Variants in DNM3 observed in about 807,000 individuals in gnomAD.
The protein encoded by DNM3 is dynamin 3.
Under a neutral mutation model 101.6 loss-of-function variants are expected in DNM3, and 47 were observed. The ratio of observed to expected loss-of-function variants is 0.46; its 90% CI spans 0.37 to 0.59. The LOEUF (loss-of-function observed/expected upper bound fraction) is 0.59. DNM3 is among the 20% of genes least tolerant of loss of function. The probability of loss-of-function intolerance (pLI) is 0.00; values close to 1 mark genes in which losing one functional copy is unlikely to be tolerated. For missense variants in DNM3, 849 were observed against 1,085.7 expected (o/e 0.78, Z 3.06); for synonymous variants, 385 against 387.9 (o/e 0.99, Z 0.09).
chr1:172,297,356 T>C (rs2064218213), intron 15 of DNM3, among the ~76,000 whole-genome samples: 1 of 152,156 alleles, frequency 6.6e-6, no homozygotes, highest in African/African-American at 2.4e-5. Context: ...CATTATCCTA[T>C]TGTTTCTCAT....
At chr1:172,189,368 C>T (rs140525764) in intron 14 of DNM3, among the ~76,000 whole-genome samples, 191 of 152,042 alleles carry the variant, frequency 1.3e-3, no homozygotes, top group African/African-American at 4.0e-3. Context: ...GTTTTACAAG[C>T]AGTTTGTTAA....
chr1:172,231,102 C>T (rs889437624), intron 14 of DNM3, among the ~76,000 whole-genome samples: 4 of 151,612 alleles, frequency 2.6e-5, no homozygotes, highest in African/African-American at 7.2e-5. Context: ...CAACTCTGAA[C>T]TCCAAACTTG....
At position 172,313,148 on chromosome 1, in the gene DNM3, G is replaced by T. The variant is rs185048323; in HGVS notation, c.1881+4309G>T. On this transcript the variant is annotated intron_variant, in intron 16 of 20. Transcript: ENST00000627582. ...ATTTTTTCCATTTCTATTTTCTATG[G>T]TCACTAAATTGAAATTACAACCATT... Among the ~76,000 whole-genome samples the T allele has an allele frequency of 1.2e-3, 184 of 152,168 alleles. 2 individuals carry two copies. The highest frequency in any genetic ancestry group is 4.4e-3 in the African/African-American group (182 of 41,522).
At chr1:172,171,201 G>A (rs191290749) in intron 14 of DNM3, among the ~76,000 whole-genome samples, 178 of 151,828 alleles carry the variant, frequency 1.2e-3, no homozygotes, top group African/African-American at 4.0e-3. Flanking sequence ...TAGCTGGTAT[G>A]AATTAACTAC....
chr1:172,316,540 G>A (rs2065367992), intron 16 of DNM3, among the ~76,000 whole-genome samples: 1 of 152,020 alleles, frequency 6.6e-6, no homozygotes, highest in African/African-American at 2.4e-5. Flanking sequence ...AAGGATTGAG[G>A]AAGATCTACC....
At chr1:172,344,764 G>T (rs747351546) in intron 17 of DNM3, among the ~76,000 whole-genome samples, 3 of 152,154 alleles carry the variant, frequency 2.0e-5, no homozygotes, top group African/African-American at 7.2e-5. Flanking sequence ...TTTATGATGA[G>T]ACTCAGCTCA....
At chr1:172,184,773 G>C (rs1572867056) in intron 14 of DNM3, among the ~76,000 whole-genome samples, 2 of 152,048 alleles carry the variant, frequency 1.3e-5, no homozygotes, top group East Asian at 3.9e-4. Context: ...ACTTGGGTTT[G>C]GGGTTTTACA....
chr1:172,104,959 T>C (rs992236378), intron 13 of DNM3, among the ~76,000 whole-genome samples: 5 of 152,234 alleles, frequency 3.3e-5, no homozygotes, highest in Non-Finnish European at 5.9e-5. Flanking sequence ...GTTTCTCTGT[T>C]TCCTCATTTG....
chr1:172,288,422 G>A (rs1317632273), intron 15 of DNM3, among the ~76,000 whole-genome samples: 2 of 152,186 alleles, frequency 1.3e-5, no homozygotes, highest in Non-Finnish European at 2.9e-5. Context: ...TCAGGGGCCA[G>A]ATCATTTATG....
intron 2 of DNM3, among the ~76,000 whole-genome samples, chr1:171,972,168 T>C (rs2044040828): frequency 6.6e-6 from 1 of 152,250 alleles, no homozygotes; most frequent in South Asian, 2.1e-4. Flanking sequence ...CTAAGCACTT[T>C]CTTTGTAGCA....
chr1:171,978,476 A>G (rs1001796994), intron 2 of DNM3, among the ~76,000 whole-genome samples: 38 of 152,282 alleles, frequency 2.5e-4, no homozygotes, highest in Admixed American at 2.1e-3. Flanking sequence ...CATTGCAAGC[A>G]GAGCGACTGA....
intron 1 of DNM3, among the ~76,000 whole-genome samples, chr1:171,916,817 T>C (rs910742215): frequency 1.3e-5 from 2 of 152,198 alleles, no homozygotes; most frequent in Non-Finnish European, 2.9e-5. Context: ...CTGTTCTGGC[T>C]TCCTTCTGTA....
chr1:171,863,733 T>C (rs2034425717), intron 1 of DNM3, among the ~76,000 whole-genome samples: 1 of 152,154 alleles, frequency 6.6e-6, no homozygotes, highest in South Asian at 2.1e-4. Flanking sequence ...AGCCCTTTCA[T>C]GTCTCCATAG....
chr1:171,847,902 G>C (rs868497442), intron 1 of DNM3, among the ~76,000 whole-genome samples: 1,851 of 149,256 alleles, frequency 0.012, 41 homozygotes, highest in African/African-American at 0.043. Context: ...CTCTCTGTGT[G>C]TGTGTGTGTG....
At chr1:171,876,648 C>T (rs2035813322) in intron 1 of DNM3, among the ~76,000 whole-genome samples, 1 of 152,224 alleles carries the variant, frequency 6.6e-6, no homozygotes, top group Non-Finnish European at 1.5e-5. Flanking sequence ...ATACCTTTCT[C>T]ACAGTAGGTG....
intron 15 of DNM3, among the ~76,000 whole-genome samples, chr1:172,304,614 G>A (rs1315872481): frequency 2.0e-5 from 3 of 151,970 alleles, no homozygotes; most frequent in East Asian, 1.9e-4. Context: ...TTATTCCAAA[G>A]TTGACCACAT....
At chr1:171,960,277 G>C (rs1025251664) in intron 2 of DNM3, among the ~76,000 whole-genome samples, 2 of 152,102 alleles carry the variant, frequency 1.3e-5, no homozygotes, top group African/African-American at 4.8e-5. Flanking sequence ...CCTTTAGATG[G>C]CCCTGCCAAC....
chr1:172,165,771 T>G (rs1340499339), intron 14 of DNM3, among the ~76,000 whole-genome samples: 5 of 152,116 alleles, frequency 3.3e-5, no homozygotes, highest in African/African-American at 1.2e-4. Context: ...AATATATTAT[T>G]TTTAATATTC....
intron 14 of DNM3, among the ~76,000 whole-genome samples, chr1:172,151,882 CTTTG>C (rs377176085): frequency 6.6e-5 from 10 of 151,776 alleles, no homozygotes; most frequent in East Asian, 1.9e-4. Flanking sequence ...TAAAAGGAGT[CTTTG>C]TTTGTTTGTT....
Sources: allele counts gnomAD v4.1 joint callset (sites outside exome capture counted in the v4.1 genomes callset), GRCh38; gene constraint gnomAD v4.1.1; transcripts MANE v1.5; gene names NCBI Gene and HGNC (gene_info 2026-07-23, HGNC 2026-07-21).